Variants in IRAK1BP1 observed in about 807,000 individuals in gnomAD.
The protein encoded by IRAK1BP1 is interleukin-1 receptor-associated kinase 1-binding protein 1.
IRAK1BP1 carries 24 observed loss-of-function variants against 28.0 expected under a neutral mutation model. The observed-to-expected ratio is 0.86, with a 90% confidence interval of 0.62 to 1.20. The LOEUF (loss-of-function observed/expected upper bound fraction) is 1.20, where lower values mean the gene tolerates loss of function less well. Among genes scored for constraint, IRAK1BP1 ranks in the 50% most tolerant of loss-of-function variants. IRAK1BP1 has a pLI of 0.00. For synonymous variants in IRAK1BP1, 131 were observed against 116.3 expected, an observed-to-expected ratio of 1.13 and a Z score of -0.81; for missense variants, 336 against 316.7, an observed-to-expected ratio of 1.06 and a Z score of -0.46.
chr6:78,942,762 A>C (rs1319296644), intron 4 of IRAK1BP1, among the ~76,000 whole-genome samples: 1 of 152,176 alleles, frequency 6.6e-6, no homozygotes, highest in Non-Finnish European at 1.5e-5. Flanking sequence ...TGTACCTACT[A>C]CAGAAGATAG....
At chr6:78,958,611 C>T in the IRAK1BP1 span, 2 of 1,510,154 alleles carry the variant, frequency 1.3e-6, no homozygotes, top group Non-Finnish European at 1.8e-6. Context: ...CTTAAAAAAA[C>T]AAAATATAGA....
the IRAK1BP1 span, among the ~76,000 whole-genome samples, chr6:78,954,531 A>G: frequency 2.7e-5 from 4 of 150,332 alleles, no homozygotes; most frequent in Admixed American, 2.0e-4. Flanking sequence ...ACAAAAAAAG[A>G]AAAAAAAAAT....
intron 2 of IRAK1BP1, among the ~76,000 whole-genome samples, chr6:78,887,181 A>T (rs568443400): frequency 6.6e-6 from 1 of 152,200 alleles, no homozygotes; most frequent in African/African-American, 2.4e-5. Context: ...TATACAACTC[A>T]GTAGAAGAAA....
chr6:78,890,538 C>T (rs1429183447), intron 2 of IRAK1BP1, among the ~76,000 whole-genome samples: 2 of 151,936 alleles, frequency 1.3e-5, no homozygotes, highest in African/African-American at 4.8e-5. Flanking sequence ...CCAGTGGGTG[C>T]CCAGCGCAAT....
At chr6:78,870,903 G>A (rs886180562) in intron 1 of IRAK1BP1, among the ~76,000 whole-genome samples, 2 of 151,938 alleles carry the variant, frequency 1.3e-5, no homozygotes, top group Admixed American at 6.6e-5. Flanking sequence ...TAGAGATGGG[G>A]TTTCACTGTG....
chr6:78,903,553 GA>G (rs1443488017), downstream of IRAK1BP1, among the ~76,000 whole-genome samples: 1 of 151,778 alleles, frequency 6.6e-6, no homozygotes, highest in Non-Finnish European at 1.5e-5. Context: ...CAATATTAGT[GA>G]ACCAAAAACT....
intron 4 of IRAK1BP1, among the ~76,000 whole-genome samples, chr6:78,934,512 A>G (rs1191214751): frequency 6.6e-6 from 1 of 152,240 alleles, no homozygotes; most frequent in African/African-American, 2.4e-5. Flanking sequence ...TAAAAACATT[A>G]AAAGTCCTTC....
the IRAK1BP1 span, among the ~76,000 whole-genome samples, chr6:78,973,658 G>A: frequency 1.4e-5 from 2 of 147,578 alleles, no homozygotes; most frequent in African/African-American, 5.0e-5. Flanking sequence ...ACACACATAG[G>A]CTCAAAATAA....
intron 1 of IRAK1BP1, among the ~76,000 whole-genome samples, chr6:78,872,814 A>T (rs944703120): frequency 6.6e-6 from 1 of 152,182 alleles, no homozygotes; most frequent in Non-Finnish European, 1.5e-5. Flanking sequence ...AATTTTGCCA[A>T]CTTAGCAGTC....
At chr6:78,976,053 G>A in the IRAK1BP1 span, among the ~76,000 whole-genome samples, 2 of 151,956 alleles carry the variant, frequency 1.3e-5, no homozygotes, top group African/African-American at 4.8e-5. Flanking sequence ...CCAAAAAAGG[G>A]CCCGCATTGC....
the IRAK1BP1 span, among the ~76,000 whole-genome samples, chr6:78,966,502 AAAC>A: frequency 6.6e-6 from 1 of 152,166 alleles, no homozygotes; most frequent in Non-Finnish European, 1.5e-5. Flanking sequence ...TAAAAACAAC[AAAC>A]AACATAAAAT....
rs908034173 is a variant in IRAK1BP1 at position 78,882,962 on chromosome 6, T to C, written c.316-2416T>C. 3.9e-5 allele frequency among the ~76,000 whole-genome samples: 6 copies of C among 152,162 alleles called. 1 individual carries two copies. Among genetic ancestry groups the C allele is most frequent in the Non-Finnish European group, 7.3e-5 (5 of 68,036 alleles). ...AATTATTTCAAAATTAAAAGTTTAT[T>C]TTAAAAAGTTCAGGCCAAGTGTGAT... On this transcript the variant is annotated intron_variant, in intron 1 of 3. Transcript: ENST00000369940.
At chr6:78,944,504 A>G (rs1218535896) in intron 4 of IRAK1BP1, among the ~76,000 whole-genome samples, 1 of 152,166 alleles carries the variant, frequency 6.6e-6, no homozygotes, top group African/African-American at 2.4e-5. Context: ...GGAGGTGAGA[A>G]TGGAGAGGAG....
chr6:78,961,673 C>T, the IRAK1BP1 span: 25 of 1,608,416 alleles, frequency 1.6e-5, no homozygotes, highest in Non-Finnish European at 2.0e-5. Flanking sequence ...ATAGTAGCTA[C>T]ATCAAATGGT....
At chr6:78,906,338 C>T (rs1772259973), downstream of IRAK1BP1, among the ~76,000 whole-genome samples, 1 of 151,992 alleles carries the variant, frequency 6.6e-6, no homozygotes, top group Non-Finnish European at 1.5e-5. Flanking sequence ...TCCTCATCTT[C>T]TTGCTTCACT....
At chr6:78,934,776 T>C (rs1378956604) in intron 4 of IRAK1BP1, among the ~76,000 whole-genome samples, 2 of 152,238 alleles carry the variant, frequency 1.3e-5, no homozygotes, top group Non-Finnish European at 2.9e-5. Context: ...AGCTCTGAGA[T>C]ACGACTTTGC....
chr6:78,959,502 G>T, the IRAK1BP1 span, among the ~76,000 whole-genome samples: 3 of 152,116 alleles, frequency 2.0e-5, no homozygotes, highest in Non-Finnish European at 4.4e-5. Flanking sequence ...AGTTTAACAA[G>T]AGATTGAACT....
intron 4 of IRAK1BP1, chr6:78,940,958 C>T (rs1392750682): frequency 6.2e-7 from 1 of 1,613,910 alleles, no homozygotes; most frequent in African/African-American, 1.3e-5. Flanking sequence ...CACTTTGACA[C>T]TTGCAGGGAC....
At chr6:78,959,601 T>C in the IRAK1BP1 span, among the ~76,000 whole-genome samples, 2 of 152,154 alleles carry the variant, frequency 1.3e-5, no homozygotes, top group Non-Finnish European at 2.9e-5. Flanking sequence ...TTGTATTGAA[T>C]GTAATACATT....
Sources: gnomAD v4.1 joint callset for allele counts (sites outside exome capture counted in the v4.1 genomes callset) on GRCh38, gnomAD v4.1.1 for gene constraint, MANE v1.5 for transcripts, NCBI Gene and HGNC (gene_info 2026-07-23, HGNC 2026-07-21) for gene names.